Variants in SMAD6 observed in about 807,000 individuals in gnomAD.
The protein encoded by SMAD6 is MAD homolog 6.
Under a neutral mutation model 39.4 loss-of-function variants are expected in SMAD6, and 103 were observed. The ratio of observed to expected loss-of-function variants is 2.62; its 90% CI spans 2.23 to 3.08. SMAD6 has a LOEUF of 3.08. Ranked by LOEUF, SMAD6 falls within the 30% of genes most tolerant of loss-of-function variation. SMAD6 has a pLI of 0.00. For synonymous variants in SMAD6, 445 were observed against 353.3 expected, an observed-to-expected ratio of 1.26 and a Z score of -2.91; for missense variants, 1,104 against 742.9, an observed-to-expected ratio of 1.49 and a Z score of -5.65.
At chr15:66,715,798 A>C (rs1893317680) in intron 2 of SMAD6, among the ~76,000 whole-genome samples, 1 of 152,108 alleles carries the variant, frequency 6.6e-6, no homozygotes, top group Non-Finnish European at 1.5e-5. Flanking sequence ...CTTAAAAAAA[A>C]ACAGTCCAGG....
chr15:66,742,290 TC>T (rs1018321949), intron 3 of SMAD6, among the ~76,000 whole-genome samples: 1 of 152,094 alleles, frequency 6.6e-6, no homozygotes, highest in Non-Finnish European at 1.5e-5. Flanking sequence ...TGCCCTCTGG[TC>T]CTTATAATCC....
At position 66,781,342 on chromosome 15, in the gene SMAD6, G is replaced by T; in HGVS notation, c.1298G>T (p.Gly433Val). ...RALVVRKVPP[G>V]YSIKVFDFER... ...CTGGTCGTGCGCAAGGTGCCCCCCG[G>T]CTACTCCATCAAGGTGTTCGACTTC... Residue 433 changes from glycine to valine, a missense_variant, in exon 4 of 4, where the codon GGC becomes GTC. Physicochemically the swap from Gly to Val is moderately radical, Grantham distance 109 (BLOSUM62 -3). Transcript: ENST00000288840. 1 of 1,599,092 alleles carries T rather than the reference G, an allele frequency of 6.3e-7. No individual in the cohort carries two copies. The highest frequency in any genetic ancestry group is 8.5e-7 in the Non-Finnish European group (1 of 1,174,590).
intron 3 of SMAD6, among the ~76,000 whole-genome samples, chr15:66,777,221 G>C (rs987939699): frequency 1.3e-5 from 2 of 152,248 alleles, no homozygotes; most frequent in Non-Finnish European, 2.9e-5. Context: ...TGAGTGGGTG[G>C]CTTACCCTCT....
chr15:66,739,900 G>A (rs1355181145), intron 3 of SMAD6, among the ~76,000 whole-genome samples: 4 of 152,178 alleles, frequency 2.6e-5, no homozygotes, highest in Non-Finnish European at 5.9e-5. Context: ...TCAGCCTTCC[G>A]AGTAGCTGGG....
intron 3 of SMAD6, among the ~76,000 whole-genome samples, chr15:66,736,186 G>C (rs1164960861): frequency 6.6e-6 from 1 of 152,106 alleles, no homozygotes; most frequent in Non-Finnish European, 1.5e-5. Flanking sequence ...CCAGCTCTAG[G>C]TGTAGGGTTG....
chr15:66,734,994 C>T (rs1893689534), intron 3 of SMAD6, among the ~76,000 whole-genome samples: 1 of 152,224 alleles, frequency 6.6e-6, no homozygotes, highest in Non-Finnish European at 1.5e-5. Flanking sequence ...GTAGGACCGC[C>T]CAGGGTCCCA....
intron 1 of SMAD6, among the ~76,000 whole-genome samples, chr15:66,709,085 G>T (rs566714380): frequency 2.0e-5 from 3 of 152,316 alleles, no homozygotes; most frequent in Admixed American, 2.0e-4. Context: ...ATTGAGTTGG[G>T]TGAACCCCAA....
intron 3 of SMAD6, among the ~76,000 whole-genome samples, chr15:66,779,655 C>T (rs1894524751): frequency 6.6e-6 from 1 of 152,244 alleles, no homozygotes; most frequent in South Asian, 2.1e-4. Context: ...TGGCCTCACT[C>T]AGGCTCCCAG....
In SMAD6 at chr15:66,781,438, G is replaced by C; in HGVS notation, c.1394G>C (p.Arg465Pro). 1 of 1,605,160 alleles carries C rather than the reference G, an allele frequency of 6.2e-7. No individual in the cohort carries two copies. The highest frequency in any genetic ancestry group is 2.2e-5 in the East Asian group (1 of 44,752). The stretch of plus-strand genomic sequence containing the variant: ...GGCCCCTACGACCCCAACAGCGTCC[G>C]CATCAGCTTCGCCAAGGGCTGGGGG... Reference protein sequence around the residue: ...ADGPYDPNSVRISFAKGWGPC... With the variant: ...ADGPYDPNSVPISFAKGWGPC... Residue 465 changes from arginine (R) to proline (P), a missense_variant, in exon 4 of 4, where the codon CGC becomes CCC. By Grantham distance (103) the Arg-to-Pro change is moderately radical. Coordinates refer to ENST00000288840, the MANE Select transcript of SMAD6 (RefSeq NM_005585.5).
At chr15:66,718,466 T>C (rs1336420104) in intron 3 of SMAD6, among the ~76,000 whole-genome samples, 1 of 152,194 alleles carries the variant, frequency 6.6e-6, no homozygotes, top group Non-Finnish European at 1.5e-5. Flanking sequence ...TTGGAAAATG[T>C]GTCCAATGCT....
intron 3 of SMAD6, among the ~76,000 whole-genome samples, chr15:66,729,427 G>C (rs1001326557): frequency 6.6e-6 from 1 of 152,316 alleles, no homozygotes; most frequent in East Asian, 1.9e-4. Context: ...TTACATTCCT[G>C]TACCCCGGGA....
chr15:66,770,949 C>T (rs923154700), intron 3 of SMAD6, among the ~76,000 whole-genome samples: 3 of 152,234 alleles, frequency 2.0e-5, no homozygotes, highest in African/African-American at 7.2e-5. Flanking sequence ...ATAGCTCTAC[C>T]ACCAGCCTCC....
chr15:66,740,880 A>G (rs542855605), intron 3 of SMAD6: 1 of 152,312 alleles, frequency 6.6e-6, no homozygotes, highest in African/African-American at 2.4e-5. Flanking sequence ...CCTACACCTC[A>G]TGACTTTCTG....
At chr15:66,741,480 T>C (rs1028342016) in intron 3 of SMAD6, among the ~76,000 whole-genome samples, 1 of 152,160 alleles carries the variant, frequency 6.6e-6, no homozygotes, top group African/African-American at 2.4e-5. Context: ...AGTTTCTCCA[T>C]CTGTAAAATG....
intron 3 of SMAD6, among the ~76,000 whole-genome samples, chr15:66,718,114 G>GTGTGTGTGTGTA (rs1390585416): frequency 1.2e-5 from 1 of 86,862 alleles, no homozygotes; most frequent in Non-Finnish European, 2.7e-5. Context: ...GAAAGTCCGT[G>GTGTGTGTGTGTA]TGTGTGTGTG....
In SMAD6 at chr15:66,704,075, G is replaced by C. The variant is rs1259557323; in HGVS notation, c.817G>C (p.Glu273Gln). 2.0e-6 allele frequency: 3 copies of C among 1,478,930 alleles called. No individual in the cohort carries two copies. The highest frequency in any genetic ancestry group is 2.7e-6 in the Non-Finnish European group (3 of 1,122,540). 91.6% of individuals were successfully genotyped at this position (1,478,930 alleles called of 1,614,324 possible). A position where few individuals can be genotyped will look rare whatever the true frequency, so the allele number is the denominator to read the frequency against. ...CCACTTCAGCCGGCTCTGCGGGCCC[G>C]GTGAGCGCGCTGCGCCGGCCGGGGG... ...PYHFSRLCGP[E>Q]SPPPPYSRLS... Residue 273 changes from glutamate to glutamine, a missense_variant and splice_region_variant, in exon 1 of 4, where the codon GAA becomes CAA. By Grantham distance (29) the Glu-to-Gln change is conservative (BLOSUM62 2). Coordinates refer to ENST00000288840, the MANE Select transcript of SMAD6 (RefSeq NM_005585.5).
chr15:66,769,337 TG>T, intron 3 of SMAD6, among the ~76,000 whole-genome samples: 1 of 152,306 alleles, frequency 6.6e-6, no homozygotes, highest in South Asian at 2.1e-4. Flanking sequence ...CATTTTTCAC[TG>T]GGCCCTCAAA....
rs952876781 is a variant in SMAD6, at chr15:66,711,667, G to A, written c.818-1G>A. ...GTGACATGCTGTCTCCTGTCTTCCA[G>A]AATCTCCGCCACCTCCCTACTCTCG... On this transcript the variant is annotated splice_acceptor_variant, in intron 1 of 3. Transcript: ENST00000288840. LOFTEE classifies it high-confidence loss of function. 6.2e-7 allele frequency: 1 copy of A among 1,613,758 alleles called. No homozygotes were observed.
chr15:66,770,247 T>C (rs560187768), intron 3 of SMAD6, among the ~76,000 whole-genome samples: 1 of 152,314 alleles, frequency 6.6e-6, no homozygotes, highest in Admixed American at 6.5e-5. Context: ...CTCTGTGGTC[T>C]CAGATTAACC....
Sources: allele counts gnomAD v4.1 joint callset (sites outside exome capture counted in the v4.1 genomes callset), GRCh38; gene constraint gnomAD v4.1.1; transcripts MANE v1.5; gene names NCBI Gene and HGNC (gene_info 2026-07-23, HGNC 2026-07-21).